TENM1: variants seen among roughly 807,000 people sequenced by gnomAD.
TENM1 encodes the protein teneurin-1.
A neutral mutation model predicts 174.8 loss-of-function variants in TENM1; 35 were observed. The observed-to-expected ratio is 0.20, with a 90% CI of 0.15 to 0.27. TENM1 has a LOEUF of 0.27. Among genes scored for constraint, TENM1 ranks in the 10% least tolerant of loss-of-function variants. The pLI, the probability that TENM1 is intolerant of heterozygous loss-of-function variation, is 1.00. For synonymous variants in TENM1, 781 were observed against 798.7 expected, an observed-to-expected ratio of 0.98 and a Z score of 0.37; for missense variants, 1,633 against 2,130.1, an observed-to-expected ratio of 0.77 and a Z score of 4.59.
rs748541890 is a variant in TENM1 at position 124,872,030 on chromosome X, C to CAAAAA, written c.535+22261_535+22265dup. 3.3e-3 allele frequency among the ~76,000 whole-genome samples: 117 copies of CAAAAA among 35,312 alleles called. 4 individuals carry two copies. The highest frequency in any genetic ancestry group is 0.012 in the African/African-American group (116 of 10,007). The allele number at this position is 35,312 out of a possible 115,157, so 30.7% of individuals were successfully genotyped here. On this transcript the variant is annotated intron_variant, in intron 3 of 31. Coordinates refer to ENST00000422452, the Ensembl canonical transcript of TENM1. The stretch of plus-strand genomic sequence containing the variant: ...CTGGCGACAGAGCGAGACTCTGTCT[C>CAAAAA]AAAAAAAAAAAAAAAAAAAATAGAA...
the TENM1 span, among the ~76,000 whole-genome samples, chrX:125,108,678 C>T: frequency 9.3e-6 from 1 of 108,091 alleles, no homozygotes; most frequent in Non-Finnish European, 1.9e-5. Flanking sequence ...GCCTGAGTGA[C>T]AAAGTGAGAC....
At chrX:124,859,998 T>C (rs2056883655) in intron 3 of TENM1, among the ~76,000 whole-genome samples, 1 of 112,057 alleles carries the variant, frequency 8.9e-6, no homozygotes, top group Non-Finnish European at 1.9e-5. Flanking sequence ...TAAACACAAA[T>C]TCCCCCTTTC....
chrX:124,556,280 C>T (rs1269340253), intron 14 of TENM1, among the ~76,000 whole-genome samples: 6 of 97,519 alleles, frequency 6.2e-5, no homozygotes, highest in Non-Finnish European at 1.2e-4. Context: ...CCCATCTCTA[C>T]TAAAAATACA....
At chrX:124,736,271 G>A (rs1307772231) in intron 4 of TENM1, among the ~76,000 whole-genome samples, 3 of 111,737 alleles carry the variant, frequency 2.7e-5, no homozygotes, top group African/African-American at 9.8e-5. Flanking sequence ...TTTATTAATT[G>A]TATCTGGTGC....
chrX:124,602,908 T>C (rs1310829791), intron 11 of TENM1, among the ~76,000 whole-genome samples: 1 of 111,454 alleles, frequency 9.0e-6, no homozygotes, highest in Non-Finnish European at 1.9e-5. Context: ...TTTTTGCAAA[T>C]GTAATTAAAT....
At chrX:124,699,986 G>A (rs1174673431) in intron 5 of TENM1, among the ~76,000 whole-genome samples, 1 of 111,783 alleles carries the variant, frequency 8.9e-6, no homozygotes, top group Non-Finnish European at 1.9e-5. Context: ...TGAATTGGAA[G>A]AAGTAATAAG....
At chrX:124,772,980 G>T (rs1218099903) in intron 3 of TENM1, among the ~76,000 whole-genome samples, 1 of 111,651 alleles carries the variant, frequency 9.0e-6, no homozygotes, top group East Asian at 2.8e-4. Context: ...AGCCAGCTGG[G>T]TCATTGTAGG....
the TENM1 span, among the ~76,000 whole-genome samples, chrX:125,188,075 A>G: frequency 1.8e-5 from 2 of 111,868 alleles, no homozygotes; most frequent in South Asian, 3.7e-4. Context: ...TCACACCTGT[A>G]ATCCGAGCAT....
At chrX:124,534,263 T>C (rs115272341) in intron 15 of TENM1, among the ~76,000 whole-genome samples, 11,031 of 111,607 alleles carry the variant, frequency 0.099, 541 homozygotes, top group African/African-American at 0.19. Context: ...ACTAACAAGC[T>C]GCTTGTTAGA....
chrX:124,781,126 C>T (rs995436693), intron 3 of TENM1, among the ~76,000 whole-genome samples: 3 of 111,746 alleles, frequency 2.7e-5, no homozygotes, highest in Non-Finnish European at 5.6e-5. Flanking sequence ...ATAAATCCCT[C>T]AAAAGTAAGG....
chrX:125,080,707 A>G, the TENM1 span, among the ~76,000 whole-genome samples: 1 of 110,726 alleles, frequency 9.0e-6, no homozygotes, highest in East Asian at 2.8e-4. Flanking sequence ...TCTTTTGTCT[A>G]CCTGTGACTC....
intron 23 of TENM1, among the ~76,000 whole-genome samples, chrX:124,451,490 T>G (rs1421278781): frequency 8.9e-6 from 1 of 112,050 alleles, no homozygotes; most frequent in Non-Finnish European, 1.9e-5. Flanking sequence ...ACTGTTTCAT[T>G]TGACTTTCTT....
intron 3 of TENM1, among the ~76,000 whole-genome samples, chrX:124,768,059 A>T (rs1361219542): frequency 8.9e-6 from 1 of 111,781 alleles, no homozygotes; most frequent in Non-Finnish European, 1.9e-5. Flanking sequence ...ACAGAGCACT[A>T]ACTTTCCCAA....
At chrX:124,591,420 G>A (rs779399843) in intron 11 of TENM1, among the ~76,000 whole-genome samples, 3 of 111,954 alleles carry the variant, frequency 2.7e-5, no homozygotes, top group Non-Finnish European at 3.8e-5. Flanking sequence ...TGGTCTAGTG[G>A]TAACACATTC....
At position 124,405,379 on chromosome X, in the gene TENM1, C is replaced by T. The variant is rs750966990; in HGVS notation, c.5156-113G>A. ...GTTTGGGGGATAAGCAGGTGGGGTGCTGTGGTCCTATCTGCCTTCTGGGCT... is the reference window on the plus strand; with the variant it reads ...GTTTGGGGGATAAGCAGGTGGGGTGTTGTGGTCCTATCTGCCTTCTGGGCT... On this transcript the variant is annotated intron_variant, in intron 26 of 31. Transcript: ENST00000422452. The T allele has an allele frequency of 1.6e-3, 881 of 566,408 alleles. 2 individuals carry two copies. The highest frequency in any genetic ancestry group is 2.3e-3 in the Non-Finnish European group (802 of 353,859). 46.7% of individuals were successfully genotyped at this position (566,408 alleles called of 1,213,427 possible).
At chrX:124,772,795 A>G (rs1431537054) in intron 3 of TENM1, among the ~76,000 whole-genome samples, 1 of 111,567 alleles carries the variant, frequency 9.0e-6, no homozygotes, top group Non-Finnish European at 1.9e-5. Flanking sequence ...ATTTTCATGA[A>G]TTGTGCAGAC....
chrX:125,157,916 C>T, the TENM1 span, among the ~76,000 whole-genome samples: 1 of 111,437 alleles, frequency 9.0e-6, no homozygotes, highest in Non-Finnish European at 1.9e-5. Context: ...ACTATTCAAT[C>T]TTCTTCAGTA....
At chrX:124,590,469 G>T (rs939782720) in intron 11 of TENM1, among the ~76,000 whole-genome samples, 1 of 110,289 alleles carries the variant, frequency 9.1e-6, no homozygotes, top group African/African-American at 3.3e-5. Flanking sequence ...CACTGCTCAA[G>T]GAAATAAAAG....
exon 32 of TENM1, chrX:124,380,502 A>G (rs992878452): frequency 1.7e-6 from 2 of 1,145,907 alleles, no homozygotes; most frequent in Non-Finnish European, 1.2e-6. Context: ...AAAAACAGGC[A>G]GTCTTTGGTG....
Sources: allele counts gnomAD v4.1 joint callset (sites outside exome capture counted in the v4.1 genomes callset), GRCh38; gene constraint gnomAD v4.1.1; transcripts MANE v1.5; gene names NCBI Gene and HGNC (gene_info 2026-07-23, HGNC 2026-07-21).